The following CCDC110 variants were observed in gnomAD, a reference collection of about 807,000 sequenced individuals.
CCDC110 encodes coiled-coil domain containing 110.
A neutral mutation model predicts 77.1 loss-of-function variants in CCDC110; 70 were observed. That is an observed-to-expected ratio of 0.91 (90% CI 0.75 to 1.11). CCDC110 has a LOEUF of 1.11. Ranked by LOEUF, CCDC110 falls within the 50% of genes least tolerant of loss-of-function variation. The pLI is 0.00. For missense variants in CCDC110, 868 were observed against 942.9 expected (o/e 0.92, Z 1.04); for synonymous variants, 295 against 312.5 (o/e 0.94, Z 0.59).
chr4:185,464,704 C>T (rs1317950520), intron 2 of CCDC110, among the ~76,000 whole-genome samples: 1 of 152,110 alleles, frequency 6.6e-6, no homozygotes, highest in Non-Finnish European at 1.5e-5. Flanking sequence ...TCGGTCAGCT[C>T]TCTATGCACA....
chr4:185,470,921 C>A lies in CCDC110; in HGVS notation c.115+24G>T, dbSNP rs201615653. 2.7e-4 allele frequency: 401 copies of A among 1,509,920 alleles called. No individual in the cohort carries two copies. The African/African-American group carries it at 4.6e-3, about 17-fold the overall frequency. 93.5% of individuals were successfully genotyped at this position (1,509,920 alleles called of 1,614,324 possible). A position where few individuals can be genotyped will look rare whatever the true frequency, so the allele number is the denominator to read the frequency against. ...TGCCGCCTGTGTATAGTTAAAGGAG[C>A]CTTTTACGGTCTGGCGATTTTACCT... On this transcript the variant is annotated intron_variant, in intron 2 of 6. Transcript: ENST00000307588.
intron 6 of CCDC110, chr4:185,452,088 A>G (rs1367672622): frequency 3.9e-6 from 2 of 517,060 alleles, no homozygotes; most frequent in African/African-American, 4.2e-5. Context: ...ACAGGTGCAA[A>G]CTAGTTATGA....
In CCDC110 at chr4:185,459,904, G is replaced by A; in HGVS notation, c.683C>T (p.Pro228Leu). ...TTCACAAAATCCATGCTTGAGAAAAGGCACAGTAATTTTGGATTTATCCAG... is the reference window on the plus strand; with the variant it reads ...TTCACAAAATCCATGCTTGAGAAAAAGCACAGTAATTTTGGATTTATCCAG... The part of the protein sequence containing the change: ...VILDKSKITV[P>L]FLKHGFCENL... Residue 228 changes from proline (P) to leucine (L), a missense_variant, in exon 6 of 7, where the codon CCT (proline) becomes CTT (leucine). Physicochemically the swap from Pro to Leu is moderately conservative, Grantham distance 98. Transcript: ENST00000307588. 1.9e-6 allele frequency: 3 copies of A among 1,613,748 alleles called. No homozygotes were observed. The highest frequency in any genetic ancestry group is 2.5e-6 in the Non-Finnish European group (3 of 1,179,864).
chr4:185,457,973 A>G, intron 6 of CCDC110, 153 bp downstream of exon 6: 2 of 634,628 alleles, frequency 3.2e-6, no homozygotes, highest in Middle Eastern at 3.2e-4. Flanking sequence ...AAAAATTCCT[A>G]AATAATTTCA....
chr4:185,448,585 T>A (rs2095621538), intron 6 of CCDC110, among the ~76,000 whole-genome samples: 1 of 152,198 alleles, frequency 6.6e-6, no homozygotes, highest in Non-Finnish European at 1.5e-5. Context: ...TAATTTAAAC[T>A]GTTGTCTACA....
chr4:185,462,796 G>T, intron 3 of CCDC110, 88 bp from the exon 4 acceptor site: 1 of 1,242,686 alleles, frequency 8.0e-7, no homozygotes, highest in Non-Finnish European at 1.2e-6. Context: ...TCCCAAAGTT[G>T]CCTATTACTT....
At chr4:185,453,610 C>T (rs1478166545) in intron 6 of CCDC110, among the ~76,000 whole-genome samples, 3 of 142,452 alleles carry the variant, frequency 2.1e-5, no homozygotes, top group East Asian at 2.1e-4. Context: ...TGCAGTGGTG[C>T]GATCATGGCT....
intron 4 of CCDC110, 151 bp downstream of exon 4, chr4:185,462,492 C>A: frequency 1.1e-4 from 72 of 626,528 alleles, no homozygotes; most frequent in Non-Finnish European, 1.9e-4. Flanking sequence ...AATGTAGTTT[C>A]TTTAAAATAA....
chr4:185,457,863 C>T, intron 6 of CCDC110: 2 of 1,105,744 alleles, frequency 1.8e-6, no homozygotes, highest in South Asian at 3.4e-5. Context: ...GCTACTTATA[C>T]TTTAAAATAA....
chr4:185,447,262 A>G (rs1380949792), intron 6 of CCDC110, among the ~76,000 whole-genome samples: 4 of 151,744 alleles, frequency 2.6e-5, no homozygotes, highest in East Asian at 1.9e-4. Flanking sequence ...GCTCACTGCA[A>G]GCTCCACCTG....
Position 185,458,975 on chromosome 4 carries a change from G to T in CCDC110, c.1612C>A (p.Gln538Lys), listed in dbSNP as rs185078759. ...AGTTGATCTAATGCTTCCATCATTTGTTGCTTCTCTAAAGAAAGTTGTATA... is the reference window on the plus strand; with the variant it reads ...AGTTGATCTAATGCTTCCATCATTTTTTGCTTCTCTAAAGAAAGTTGTATA... ...KNIQLSLEKQ[Q>K]MMEALDQLKS... Residue 538 changes from glutamine to lysine, a missense_variant, in exon 6 of 7, where the codon CAA becomes AAA. Physicochemically the swap from Gln to Lys is moderately conservative, Grantham distance 53. Transcript: ENST00000307588. 6.2e-7 allele frequency: 1 copy of T among 1,606,170 alleles called. No homozygotes were observed.
chr4:185,459,312 AAC>A lies in CCDC110; in HGVS notation c.1273_1274del (p.Val425CysfsTer26), dbSNP rs1208868483. On this transcript the variant is annotated frameshift_variant, in exon 6 of 7. Transcript: ENST00000307588. LOFTEE classifies it high-confidence loss of function. ...AATTCTGTAAGTACTGAATTTTTGC[AAC>A]ACACTGCTCAGTAACGGAATTAACT... ...SKVNSVTEQCVAKIQYLQNYL... is the reference protein window; with the variant it reads ...SKVNSVTEQCXAKIQYLQNYL... 1.9e-6 allele frequency: 3 copies of A among 1,612,980 alleles called. No homozygotes were observed. The African/African-American group carries it at 4.0e-5, about 22-fold the overall frequency.
intron 6 of CCDC110, among the ~76,000 whole-genome samples, chr4:185,454,064 C>T (rs1052290966): frequency 3.3e-5 from 5 of 151,944 alleles, no homozygotes; most frequent in Non-Finnish European, 5.9e-5. Flanking sequence ...GTAATCCACC[C>T]GCCTCGGCCT....
At chr4:185,462,135 G>C (rs1468552543) in intron 4 of CCDC110, among the ~76,000 whole-genome samples, 4 of 152,108 alleles carry the variant, frequency 2.6e-5, no homozygotes, top group Admixed American at 2.6e-4. Flanking sequence ...CTTGAATTTG[G>C]AAGGAGAAAG....
At chr4:185,470,704 C>T (rs750569404) in intron 2 of CCDC110, 2 of 605,776 alleles carry the variant, frequency 3.3e-6, no homozygotes, top group East Asian at 3.5e-5. Context: ...CCTCTCTGTG[C>T]CCGTTTCCTT....
At chr4:185,452,182 A>G in intron 6 of CCDC110, 2 of 984,654 alleles carry the variant, frequency 2.0e-6, no homozygotes, top group Non-Finnish European at 2.4e-6. Context: ...TATTCCTCAG[A>G]CTCAGCCATG....
chr4:185,449,571 ATG>A, intron 6 of CCDC110: 1 of 1,458,718 alleles, frequency 6.9e-7, no homozygotes, highest in Non-Finnish European at 9.3e-7. Context: ...TATAAAATTA[ATG>A]TGTGTTTATT....
At chr4:185,461,863 T>G (rs1242616357) in intron 4 of CCDC110, among the ~76,000 whole-genome samples, 1 of 152,166 alleles carries the variant, frequency 6.6e-6, no homozygotes, top group Admixed American at 6.6e-5. Flanking sequence ...TTTGGGAGAC[T>G]GAGGTGGGCA....
chr4:185,471,496 A>T (rs760781871), intron 1 of CCDC110, 178 bp downstream of exon 1: 58 of 621,682 alleles, frequency 9.3e-5, no homozygotes, highest in Non-Finnish European at 1.4e-4. Flanking sequence ...GCCACAGCGG[A>T]CGCAGGGGGC....
Sources: gnomAD v4.1 joint callset for allele counts (sites outside exome capture counted in the v4.1 genomes callset) on GRCh38, gnomAD v4.1.1 for gene constraint, MANE v1.5 for transcripts, NCBI Gene and HGNC (gene_info 2026-07-23, HGNC 2026-07-21) for gene names.